The following RNF19A variants were observed in gnomAD, a reference collection of about 807,000 sequenced individuals.
RNF19A encodes E3 ubiquitin-protein ligase RNF19A.
In RNF19A, 32 loss-of-function variants were observed where a neutral mutation model predicts 75.7. The observed-to-expected ratio is 0.42, with a 90% CI of 0.32 to 0.57. The LOEUF is 0.57. Among genes scored for constraint, RNF19A ranks in the 20% least tolerant of loss-of-function variants. The pLI is 0.10. For synonymous variants in RNF19A, 335 were observed against 345.2 expected, an observed-to-expected ratio of 0.97 and a Z score of 0.33; for missense variants, 782 against 1,036.3, an observed-to-expected ratio of 0.75 and a Z score of 3.37.
At position 100,289,532 on chromosome 8, in the gene RNF19A, A is replaced by G. The variant is rs11991409; in HGVS notation, c.-93-1265T>C. 7.4e-3 allele frequency among the ~76,000 whole-genome samples: 1,121 copies of G among 152,308 alleles called. 7 individuals carry two copies. The highest frequency in any genetic ancestry group is 0.025 in the African/African-American group (1,043 of 41,564). On this transcript the variant is annotated intron_variant, in intron 1 of 9. Coordinates refer to ENST00000341084, the MANE Select transcript of RNF19A (RefSeq NM_183419.4). ...GGGGACTTAACAGGCATTTCACAAA[A>G]GGATATGAAAAGTGCTCAACATCAT...
chr8:100,265,669 C>T (rs1344583885), intron 5 of RNF19A, among the ~76,000 whole-genome samples: 3 of 152,124 alleles, frequency 2.0e-5, no homozygotes, highest in African/African-American at 7.2e-5. Flanking sequence ...ATAAAATAAT[C>T]TATTATTACA....
chr8:100,320,978 T>G (rs527708914), intron 1 of RNF19A, among the ~76,000 whole-genome samples: 1 of 152,248 alleles, frequency 6.6e-6, no homozygotes. Context: ...AAAATACTAA[T>G]GATCATCTGA....
chr8:100,299,089 G>A (rs77764694), intron 1 of RNF19A, among the ~76,000 whole-genome samples: 11,105 of 152,220 alleles, frequency 0.073, 1,208 homozygotes, highest in African/African-American at 0.23. Flanking sequence ...TGCTTACTGT[G>A]TCCCTTGGTT....
chr8:100,288,862 C>A (rs551052329), intron 1 of RNF19A, among the ~76,000 whole-genome samples: 1 of 152,138 alleles, frequency 6.6e-6, no homozygotes, highest in African/African-American at 2.4e-5. Flanking sequence ...AGATTGACAC[C>A]ATCCTGGATA....
chr8:100,303,354 G>A (rs1174590439), intron 1 of RNF19A: 1 of 152,206 alleles, frequency 6.6e-6, no homozygotes, highest in Non-Finnish European at 1.5e-5. Context: ...TCTGTAATGG[G>A]TCTACTTGTC....
intron 5 of RNF19A, among the ~76,000 whole-genome samples, chr8:100,265,535 T>C (rs995304154): frequency 6.6e-6 from 1 of 152,190 alleles, no homozygotes. Flanking sequence ...TTTATTTTCA[T>C]GGTTTGCAAG....
chr8:100,286,938 T>C (rs1821049612), intron 2 of RNF19A, among the ~76,000 whole-genome samples: 1 of 152,160 alleles, frequency 6.6e-6, no homozygotes, highest in African/African-American at 2.4e-5. Context: ...GAGAATATGG[T>C]ATGTGTAATT....
At chr8:100,309,172 A>T (rs1822186095) in intron 1 of RNF19A, 1 of 321,768 alleles carries the variant, frequency 3.1e-6, no homozygotes, top group African/African-American at 2.2e-5. Flanking sequence ...AACACCCTAA[A>T]GGCTTAGCAC....
chr8:100,303,434 T>G (rs1821929583), intron 1 of RNF19A: 1 of 152,186 alleles, frequency 6.6e-6, no homozygotes, highest in Admixed American at 6.5e-5. Flanking sequence ...ATCTCAAGAT[T>G]CTTAACTTAA....
chr8:100,313,255 AAAG>A, upstream of RNF19A: 1 of 907,364 alleles, frequency 1.1e-6, no homozygotes, highest in Non-Finnish European at 1.3e-6. Context: ...GATGAGGAAT[AAAG>A]AAGGAAAAAT....
chr8:100,298,211 A>C (rs1821663272), intron 1 of RNF19A, among the ~76,000 whole-genome samples: 1 of 150,630 alleles, frequency 6.6e-6, no homozygotes. Flanking sequence ...AAAAAAAAAA[A>C]ACACTTATTA....
In RNF19A at chr8:100,290,166, G is replaced by A. The variant is rs908659216; in HGVS notation, c.-93-1899C>T. Among the ~76,000 whole-genome samples the A allele has an allele frequency of 2.0e-5, 3 of 152,284 alleles. No individual in the cohort carries two copies. The South Asian group carries it at 6.2e-4, about 32-fold the overall frequency. On this transcript the variant is annotated intron_variant, in intron 1 of 9. Coordinates refer to ENST00000341084, the MANE Select transcript of RNF19A (RefSeq NM_183419.4). ...GTCTGTGTCTGTTGCCCAGGCTGGA[G>A]TGCAGTGAAGCAATCTCGGCTCACT...
upstream of RNF19A, chr8:100,310,084 C>G (rs1822242834): frequency 1.0e-5 from 10 of 985,590 alleles, no homozygotes; most frequent in Non-Finnish European, 1.2e-5. Flanking sequence ...TCCCGGGAAC[C>G]AGCGCCGCAA....
At chr8:100,294,426 C>G (rs1450546265) in intron 1 of RNF19A, among the ~76,000 whole-genome samples, 1 of 152,254 alleles carries the variant, frequency 6.6e-6, no homozygotes, top group African/African-American at 2.4e-5. Context: ...TTCTGCCTGC[C>G]AGCTGTTGTT....
chr8:100,313,555 T>C (rs537909683), upstream of RNF19A, among the ~76,000 whole-genome samples: 2 of 152,302 alleles, frequency 1.3e-5, no homozygotes, highest in African/African-American at 4.8e-5. Context: ...AGGAGGCAGC[T>C]GGATGATTTA....
In RNF19A at chr8:100,264,544, C is replaced by G; in HGVS notation, c.1306+127G>C. On this transcript the variant is annotated intron_variant, in intron 6 of 9. Coordinates refer to ENST00000341084, the MANE Select transcript of RNF19A (RefSeq NM_183419.4). This position sits in a 1 kb window ranked among gnomAD's most constrained non-coding sequence, Gnocchi z 4.7. ...TAGGCTCTTGAATCTGTAATACTTT[C>G]AACCAAGACTTACTGCAGGCTCAAT... The G allele has an allele frequency of 1.5e-6, 1 of 672,510 alleles. No individual in the cohort carries two copies. Among genetic ancestry groups the G allele is most frequent in the Non-Finnish European group, 2.5e-6 (1 of 393,974 alleles). 41.7% of individuals were successfully genotyped at this position (672,510 alleles called of 1,614,324 possible).
At chr8:100,306,732 T>C (rs1822077065) in intron 1 of RNF19A, among the ~76,000 whole-genome samples, 1 of 152,194 alleles carries the variant, frequency 6.6e-6, no homozygotes, top group Non-Finnish European at 1.5e-5. Flanking sequence ...AGCAAGGAAA[T>C]ATTATCCCTT....
At position 100,325,743 on chromosome 8, in the gene RNF19A, T is replaced by C. The variant is rs1822525400; in HGVS notation, c.-243+10365A>G. Reference sequence around the variant, plus strand: ...TCTGTGGATGTTTATGGATGGTATATGTATTTATGTGTGAGTATGTATTAC... The same window carrying C: ...TCTGTGGATGTTTATGGATGGTATACGTATTTATGTGTGAGTATGTATTAC... On this transcript the variant is annotated intron_variant, in intron 1 of 3. Coordinates refer to the RNF19A transcript ENST00000519527. The surrounding 1 kb of genome is among the most constrained non-coding windows in gnomAD (Gnocchi z 4.3). Among the ~76,000 whole-genome samples the C allele has an allele frequency of 4.0e-5, 6 of 149,702 alleles. No individual in the cohort carries two copies. The South Asian group carries it at 1.1e-3, about 27-fold the overall frequency.
intron 1 of RNF19A, among the ~76,000 whole-genome samples, chr8:100,316,873 G>A (rs1303808474): frequency 6.6e-6 from 1 of 152,238 alleles, no homozygotes; most frequent in Admixed American, 6.5e-5. Flanking sequence ...CATGGAGTGG[G>A]TGGGAGGCTC....
Sources: allele counts gnomAD v4.1 joint callset (sites outside exome capture counted in the v4.1 genomes callset), GRCh38; gene constraint gnomAD v4.1.1; non-coding constraint Gnocchi (gnomAD v3.1); transcripts MANE v1.5; gene names NCBI Gene and HGNC (gene_info 2026-07-23, HGNC 2026-07-21).